BCL7B: variants seen among roughly 807,000 people sequenced by gnomAD.
BCL7B encodes the protein BAF chromatin remodeling complex subunit BCL7B.
BCL7B carries 11 observed loss-of-function variants against 26.5 expected under a neutral mutation model. The observed-to-expected ratio is 0.42, with a 90% CI of 0.26 to 0.69. The LOEUF (loss-of-function observed/expected upper bound fraction) is 0.69, where lower values mean the gene tolerates loss of function less well. Ranked by LOEUF, BCL7B falls within the 30% of genes least tolerant of loss-of-function variation. The pLI is 0.28. For synonymous variants in BCL7B, 111 were observed against 107.9 expected, an observed-to-expected ratio of 1.03 and a Z score of -0.18; for missense variants, 215 against 264.4, an observed-to-expected ratio of 0.81 and a Z score of 1.30.
At chr7:73,547,521 T>C (rs571909044) in intron 2 of BCL7B, among the ~76,000 whole-genome samples, 2 of 152,110 alleles carry the variant, frequency 1.3e-5, no homozygotes, top group Non-Finnish European at 2.9e-5. Flanking sequence ...AGATCAAATA[T>C]AGAAGAAATG....
chr7:73,554,703 C>T (rs562883344), intron 1 of BCL7B, among the ~76,000 whole-genome samples: 59 of 150,294 alleles, frequency 3.9e-4, no homozygotes, highest in South Asian at 1.5e-3. Flanking sequence ...GAGGCTGAGG[C>T]GGAAGAACTG....
intron 2 of BCL7B, among the ~76,000 whole-genome samples, chr7:73,545,358 G>A (rs187894845): frequency 6.6e-6 from 1 of 151,884 alleles, no homozygotes; most frequent in Non-Finnish European, 1.5e-5. Flanking sequence ...GACTACAGGC[G>A]CCCACTACCA....
At chr7:73,551,721 AAG>A (rs1379258039) in intron 2 of BCL7B, among the ~76,000 whole-genome samples, 1 of 152,200 alleles carries the variant, frequency 6.6e-6, no homozygotes, top group African/African-American at 2.4e-5. Flanking sequence ...GAAAATAATA[AAG>A]AGAGGCCTTG....
At chr7:73,551,078 AAT>A (rs1792148096) in intron 2 of BCL7B, among the ~76,000 whole-genome samples, 1 of 152,230 alleles carries the variant, frequency 6.6e-6, no homozygotes, top group Non-Finnish European at 1.5e-5. Flanking sequence ...TCTACACCAG[AAT>A]TAGAAAGATG....
At chr7:73,555,203 T>TC (rs1187154230) in intron 1 of BCL7B, among the ~76,000 whole-genome samples, 25 of 152,022 alleles carry the variant, frequency 1.6e-4, no homozygotes, top group African/African-American at 5.8e-4. Context: ...ATTCAGGAGT[T>TC]CAAGACCAGC....
chr7:73,547,333 C>G (rs561792680), intron 2 of BCL7B, among the ~76,000 whole-genome samples: 23 of 152,240 alleles, frequency 1.5e-4, no homozygotes, highest in Admixed American at 1.5e-3. Context: ...CGTGGTGGCA[C>G]GTGCCTGTAG....
intron 2 of BCL7B, among the ~76,000 whole-genome samples, chr7:73,545,517 C>A (rs1269692353): frequency 6.6e-6 from 1 of 152,112 alleles, no homozygotes; most frequent in African/African-American, 2.4e-5. Flanking sequence ...CCATCGCACT[C>A]GGCCAAGGAA....
At chr7:73,551,033 A>T (rs1464813856) in intron 2 of BCL7B, among the ~76,000 whole-genome samples, 2 of 152,246 alleles carry the variant, frequency 1.3e-5, no homozygotes, top group Non-Finnish European at 2.9e-5. Context: ...ATATACAGGT[A>T]TCCAAATACA....
chr7:73,552,196 T>A lies in BCL7B; in HGVS notation c.139A>T (p.Lys47Ter), dbSNP rs1792200559. ...TVGDTSLRIFKWVPVTDSKEK... is the reference protein window; with the variant it reads ...TVGDTSLRIF ...TTGCTGTCTGTCACAGGAACCCACT[T>A]AAATATCCTCAGGGACGTGTCACCC... Residue 47 changes from lysine (K) to a stop codon, truncating the protein, a stop_gained, in exon 2 of 6, where the codon AAG becomes TAG. Coordinates refer to ENST00000223368, the MANE Select transcript of BCL7B (RefSeq NM_001707.4). LOFTEE classifies it high-confidence loss of function. The A allele has an allele frequency of 6.2e-7, 1 of 1,610,608 alleles. No homozygotes were observed. Among genetic ancestry groups the A allele is most frequent in the African/African-American group, 1.3e-5 (1 of 74,562 alleles).
chr7:73,547,526 G>A (rs183840449), intron 2 of BCL7B, among the ~76,000 whole-genome samples: 64 of 152,192 alleles, frequency 4.2e-4, no homozygotes, highest in Admixed American at 1.8e-3. Context: ...AAATATAGAA[G>A]AAATGCTAAA....
chr7:73,550,533 G>A (rs112946781), intron 2 of BCL7B, among the ~76,000 whole-genome samples: 2 of 151,518 alleles, frequency 1.3e-5, no homozygotes, highest in African/African-American at 4.8e-5. Context: ...GACAGAGCGA[G>A]AGTCCGTCTC....
At chr7:73,538,387 A>C in intron 4 of BCL7B, 1 of 183,728 alleles carries the variant, frequency 5.4e-6, no homozygotes, top group Non-Finnish European at 1.1e-5. Flanking sequence ...AAATAGTAAG[A>C]ACACAATAAA....
At chr7:73,556,881 A>G (rs1490351865) in intron 1 of BCL7B, among the ~76,000 whole-genome samples, 10 of 152,246 alleles carry the variant, frequency 6.6e-5, no homozygotes, top group Non-Finnish European at 5.9e-5. Context: ...AGGCTGGTAC[A>G]TAGTTTGCAA....
intron 3 of BCL7B, among the ~76,000 whole-genome samples, chr7:73,540,939 A>G (rs1400378254): frequency 7.3e-5 from 11 of 150,270 alleles, no homozygotes; most frequent in Admixed American, 6.6e-5. Flanking sequence ...TTGAGGTCAG[A>G]AGTTTGAGAC....
chr7:73,551,488 A>G (rs1218548384), intron 2 of BCL7B, among the ~76,000 whole-genome samples: 1 of 151,990 alleles, frequency 6.6e-6, no homozygotes, highest in Non-Finnish European at 1.5e-5. Flanking sequence ...TTTTTAGTAG[A>G]GACAGGGGTT....
intron 1 of BCL7B, among the ~76,000 whole-genome samples, chr7:73,554,054 A>G (rs1329089864): frequency 2.0e-5 from 3 of 151,472 alleles, no homozygotes; most frequent in Non-Finnish European, 4.4e-5. Context: ...TGCGGCCTCA[A>G]AATCCCAGGC....
At chr7:73,551,654 C>T (rs1241203937) in intron 2 of BCL7B, among the ~76,000 whole-genome samples, 1 of 151,992 alleles carries the variant, frequency 6.6e-6, no homozygotes, top group African/African-American at 2.4e-5. Context: ...TACGCCAGGG[C>T]TGTAGTTTGT....
At position 73,537,462 on chromosome 7, in the gene BCL7B, T is replaced by C. The variant is rs2115725072; in HGVS notation, c.517-72A>G. ...AGAACCTTCCCACCCACCCGAATTA[T>C]AATGGGATGTCCACTCTGCTCCTTC... On this transcript the variant is annotated intron_variant, in intron 5 of 5. Coordinates refer to ENST00000223368, the MANE Select transcript of BCL7B (RefSeq NM_001707.4). 4 of 1,113,806 alleles carry C rather than the reference T, an allele frequency of 3.6e-6. No individual in the cohort carries two copies. The South Asian group carries it at 3.8e-5, about 11-fold the overall frequency. 69.0% of individuals were successfully genotyped at this position (1,113,806 alleles called of 1,614,324 possible).
chr7:73,548,930 CA>C (rs1347980091), intron 2 of BCL7B, among the ~76,000 whole-genome samples: 1 of 151,196 alleles, frequency 6.6e-6, no homozygotes, highest in African/African-American at 2.4e-5. Context: ...AATTCCGTCT[CA>C]AAAAAACAAA....
Sources: allele counts gnomAD v4.1 joint callset (sites outside exome capture counted in the v4.1 genomes callset), GRCh38; gene constraint gnomAD v4.1.1; transcripts MANE v1.5; gene names NCBI Gene and HGNC (gene_info 2026-07-23, HGNC 2026-07-21).